The following NAA16 variants were observed in gnomAD, a reference collection of about 807,000 sequenced individuals.
NAA16 encodes the protein N-alpha-acetyltransferase 16, NatA auxiliary subunit, also known as NARG1-like protein.
In NAA16, 97 loss-of-function variants were observed where a neutral mutation model predicts 110.3. The observed-to-expected ratio is 0.88, with a 90% CI of 0.75 to 1.04. NAA16 has a LOEUF of 1.04. NAA16 is among the 50% of genes least tolerant of loss of function. The probability of loss-of-function intolerance (pLI) is 0.00; values close to 1 mark genes in which losing one functional copy is unlikely to be tolerated. For synonymous variants in NAA16, 372 were observed against 330.6 expected, an observed-to-expected ratio of 1.13 and a Z score of -1.36; for missense variants, 1,017 against 1,005.1, an observed-to-expected ratio of 1.01 and a Z score of -0.16.
Position 41,373,634 on chromosome 13 carries a change from T to C in NAA16, c.2156-3T>C, listed in dbSNP as rs768157144. ...AAAAATCCAAATGTTTTTGTTTTTA[T>C]AGTGTCTAATCATAGTAATCTTCCA... On this transcript the variant is annotated splice_region_variant and splice_polypyrimidine_tract_variant and intron_variant, in intron 17 of 19. Transcript: ENST00000379406. 1.3e-6 allele frequency: 2 copies of C among 1,572,336 alleles called. No homozygotes were observed. The highest frequency in any genetic ancestry group is 2.8e-5 in the African/African-American group (2 of 71,736).
chr13:41,311,296 C>T lies in NAA16; in HGVS notation c.-233C>T, dbSNP rs1317950990. On this transcript the variant is annotated 5_prime_UTR_variant, in exon 1 of 20. Transcript: ENST00000379406. Reference sequence around the variant, plus strand: ...TGCGCGGGAACCGCCGCCGCCGCCGCTGGCCAAAAAGCGGAGCCCAGGGGA... The same window carrying T: ...TGCGCGGGAACCGCCGCCGCCGCCGTTGGCCAAAAAGCGGAGCCCAGGGGA... 1.8e-6 allele frequency: 1 copy of T among 545,526 alleles called. No homozygotes were observed. The highest frequency in any genetic ancestry group is 2.0e-5 in the African/African-American group (1 of 49,928). The allele number at this position is 545,526 out of a possible 1,614,324, so 33.8% of individuals were successfully genotyped here. A position where few individuals can be genotyped will look rare whatever the true frequency, so the allele number is the denominator to read the frequency against.
chr13:41,358,837 A>T lies in NAA16; in HGVS notation c.1285A>T (p.Lys429Ter). 1 of 1,606,600 alleles carries T rather than the reference A, an allele frequency of 6.2e-7. No individual in the cohort carries two copies. The highest frequency in any genetic ancestry group is 8.5e-7 in the Non-Finnish European group (1 of 1,175,154). The change falls in exon 12 of 20, where the codon AAG becomes TAG. Residue 429 changes from lysine (K) to a stop codon, truncating the protein, a stop_gained. Coordinates refer to ENST00000379406, the MANE Select transcript of NAA16 (RefSeq NM_024561.5). LOFTEE classifies it high-confidence loss of function. ...TATAGGTAATCTCAAAGAAGCTGCA[A>T]AGTGGATGGATGAAGCACAGTCTTT... ...KHIGNLKEAA[K>*]WMDEAQSLDT...
intron 8 of NAA16, among the ~76,000 whole-genome samples, chr13:41,334,054 C>T (rs1336946325): frequency 6.6e-6 from 1 of 151,946 alleles, no homozygotes; most frequent in Non-Finnish European, 1.5e-5. Context: ...TAAAATTATG[C>T]AAATACTTAA....
chr13:41,369,172 A>C lies in NAA16; in HGVS notation c.1836A>C (p.Arg612Ser), dbSNP rs1289946324. 10 of 1,598,326 alleles carry C rather than the reference A, an allele frequency of 6.3e-6. No homozygotes were observed. Among genetic ancestry groups the C allele is most frequent in the South Asian group, 2.3e-5 (2 of 86,804 alleles). The change falls in exon 15 of 20, where the codon AGA (arginine) becomes AGC (serine). Residue 612 changes from arginine (R) to serine (S), a missense_variant. Transcript: ENST00000379406. ...AQKKAKLEEE[R>S]KHAERERQQK... ...AAAAGGCTAAACTAGAAGAAGAAAG[A>C]AAGCATGCAGAAAGAGAACGTCAAC...
At chr13:41,341,834 A>AC (rs2042555433) in intron 9 of NAA16, among the ~76,000 whole-genome samples, 1 of 81,590 alleles carries the variant, frequency 1.2e-5, no homozygotes, top group Non-Finnish European at 2.2e-5. Context: ...ATCAGACCAA[A>AC]CCTTTTTTTT....
intron 12 of NAA16, 124 bp from the exon 13 acceptor site, chr13:41,361,907 C>A: frequency 9.9e-7 from 1 of 1,013,746 alleles, no homozygotes; most frequent in Non-Finnish European, 1.4e-6. Flanking sequence ...TGGAAACATA[C>A]TGATATATTT....
At chr13:41,355,346 T>C (rs143152704) in intron 10 of NAA16, 130 bp downstream of exon 10, 84 of 589,170 alleles carry the variant, frequency 1.4e-4, no homozygotes, top group African/African-American at 5.5e-4. Context: ...AATTGGTGAA[T>C]GAAATGAGAG....
chr13:41,348,535 A>G (rs537331111), intron 9 of NAA16, among the ~76,000 whole-genome samples: 1 of 152,142 alleles, frequency 6.6e-6, no homozygotes, highest in South Asian at 2.1e-4. Flanking sequence ...TTCCATATTG[A>G]TGGGTTCGAT....
In NAA16 at chr13:41,372,283, G is replaced by A. The variant is rs139308022; in HGVS notation, c.2028G>A (p.Leu676=). The stretch of plus-strand genomic sequence containing the variant: ...TTGCTGATAACATTGACACTCATCT[G>A]TTAGCATTTGAAATATATTTTAGAA... The part of the protein sequence containing the change: ...NLVADNIDTH[L]LAFEIYFRKG... Residue 676 remains leucine, a synonymous_variant, in exon 16 of 20, where the codon CTG becomes CTA. Transcript: ENST00000379406. The A allele has an allele frequency of 1.9e-6, 3 of 1,596,292 alleles. No individual in the cohort carries two copies. The highest frequency in any genetic ancestry group is 2.7e-5 in the African/African-American group (2 of 73,988).
intron 9 of NAA16, among the ~76,000 whole-genome samples, chr13:41,342,478 A>T (rs2042578716): frequency 6.6e-6 from 1 of 152,184 alleles, no homozygotes; most frequent in Non-Finnish European, 1.5e-5. Context: ...TACTGGCTCT[A>T]TAAAATAGTG....
intron 3 of NAA16, among the ~76,000 whole-genome samples, chr13:41,319,218 G>T (rs993034013): frequency 6.6e-6 from 1 of 152,082 alleles, no homozygotes; most frequent in Non-Finnish European, 1.5e-5. Context: ...AGTTACTTTG[G>T]TAATTGTGAC....
chr13:41,373,580 T>TC, intron 17 of NAA16, 57 bp from the exon 18 acceptor site: 1 of 1,501,858 alleles, frequency 6.7e-7, no homozygotes, highest in South Asian at 1.3e-5. Context: ...CAGTAGGTTT[T>TC]TTTTTTTTCA....
intron 9 of NAA16, among the ~76,000 whole-genome samples, chr13:41,349,125 G>T (rs1040149008): frequency 6.6e-6 from 1 of 151,624 alleles, no homozygotes; most frequent in Non-Finnish European, 1.5e-5. Flanking sequence ...TCACTTTATT[G>T]TGTCCTTTTG....
At position 41,362,196 on chromosome 13, in the gene NAA16, A is replaced by G. The variant is rs192474437; in HGVS notation, c.1539+37A>G. 1.7e-5 allele frequency: 27 copies of G among 1,563,678 alleles called. No individual in the cohort carries two copies. In the East Asian group the frequency reaches 6.2e-4, roughly 36 times the overall value. ...GAATTTCGACTTCAGTTTTCACTGT[A>G]AGGTGATAAAAAGCAGGTAGATTTC... On this transcript the variant is annotated intron_variant, in intron 13 of 19. Coordinates refer to ENST00000379406, the MANE Select transcript of NAA16 (RefSeq NM_024561.5).
At chr13:41,317,735 T>G (rs1456725471) in intron 2 of NAA16, among the ~76,000 whole-genome samples, 1 of 152,196 alleles carries the variant, frequency 6.6e-6, no homozygotes, top group Non-Finnish European at 1.5e-5. Flanking sequence ...ATGGTGCCTG[T>G]GGGAAAGTTC....
At chr13:41,352,921 C>A (rs760752159) in intron 9 of NAA16, among the ~76,000 whole-genome samples, 10 of 152,150 alleles carry the variant, frequency 6.6e-5, no homozygotes, top group Non-Finnish European at 1.0e-4. Flanking sequence ...AAACTGACTT[C>A]TTTAAAAATA....
chr13:41,318,887 G>C lies in NAA16; in HGVS notation c.221G>C (p.Arg74Pro). ...EAYEFVRKGL[R>P]NDVKSHVCWH... ...TATGAGTTTGTTCGTAAAGGACTTCGTAATGATGTCAAGAGTCATGTCTGT... is the reference window on the plus strand; with the variant it reads ...TATGAGTTTGTTCGTAAAGGACTTCCTAATGATGTCAAGAGTCATGTCTGT... Residue 74 changes from arginine to proline, a missense_variant, in exon 3 of 20, where the codon CGT (arginine) becomes CCT (proline). Coordinates refer to ENST00000379406, the MANE Select transcript of NAA16 (RefSeq NM_024561.5). 1.2e-6 allele frequency: 2 copies of C among 1,600,604 alleles called. No homozygotes were observed. The highest frequency in any genetic ancestry group is 1.7e-6 in the Non-Finnish European group (2 of 1,172,416).
At chr13:41,316,008 A>G (rs1442442918) in intron 1 of NAA16, among the ~76,000 whole-genome samples, 1 of 152,196 alleles carries the variant, frequency 6.6e-6, no homozygotes, top group Non-Finnish European at 1.5e-5. Context: ...GGGCTCAAGC[A>G]GTCCTCTCGC....
rs2043141516 is a variant in NAA16, at chr13:41,362,885, G to A, written c.1539+726G>A. On this transcript the variant is annotated intron_variant, in intron 13 of 19. Coordinates refer to ENST00000379406, the MANE Select transcript of NAA16 (RefSeq NM_024561.5). Reference sequence around the variant, plus strand: ...GGCATCGTAGTCAGGTGAGCCTGATGTCTGCACCGTGGCAGTCACTTTGGC... The same window carrying A: ...GGCATCGTAGTCAGGTGAGCCTGATATCTGCACCGTGGCAGTCACTTTGGC... The A allele has an allele frequency of 4.9e-6, 6 of 1,230,852 alleles. No homozygotes were observed. The East Asian group carries it at 3.6e-4, about 74-fold the overall frequency. 76.2% of individuals were successfully genotyped at this position (1,230,852 alleles called of 1,614,324 possible).
Sources: allele counts gnomAD v4.1 joint callset (sites outside exome capture counted in the v4.1 genomes callset), GRCh38; gene constraint gnomAD v4.1.1; transcripts MANE v1.5; gene names NCBI Gene and HGNC (gene_info 2026-07-23, HGNC 2026-07-21).